Variants in KCNIP4 observed in about 807,000 individuals in gnomAD.
KCNIP4 encodes potassium voltage-gated channel interacting protein 4.
In KCNIP4, 12 loss-of-function variants were observed where a neutral mutation model predicts 34.0. The observed-to-expected ratio is 0.35, with a 90% CI of 0.23 to 0.57. The LOEUF (loss-of-function observed/expected upper bound fraction) is 0.57. Among genes scored for constraint, KCNIP4 ranks in the 20% least tolerant of loss-of-function variants. The pLI, the probability that KCNIP4 is intolerant of heterozygous loss-of-function variation, is 0.83. For synonymous variants in KCNIP4, 124 were observed against 102.2 expected, an observed-to-expected ratio of 1.21 and a Z score of -1.29; for missense variants, 238 against 311.7, an observed-to-expected ratio of 0.76 and a Z score of 1.78.
intron 1 of KCNIP4, among the ~76,000 whole-genome samples, chr4:21,695,991 G>A (rs1331118150): frequency 1.3e-5 from 2 of 152,010 alleles, no homozygotes; most frequent in African/African-American, 2.4e-5. Context: ...TGAAGACTGC[G>A]TGAGAAACAC....
intron 1 of KCNIP4, among the ~76,000 whole-genome samples, chr4:21,075,980 G>T (rs1745453800): frequency 6.6e-6 from 1 of 152,094 alleles, no homozygotes; most frequent in Non-Finnish European, 1.5e-5. Context: ...CTCTCTTCTG[G>T]CTTGAAGAGT....
At chr4:21,767,789 C>G (rs1376853269) in intron 1 of KCNIP4, among the ~76,000 whole-genome samples, 5 of 151,966 alleles carry the variant, frequency 3.3e-5, no homozygotes, top group African/African-American at 1.2e-4. Flanking sequence ...CACACTACTA[C>G]CTGAAAGCAA....
intron 1 of KCNIP4, among the ~76,000 whole-genome samples, chr4:21,519,580 GTGTGTATGTATGTGTA>G (rs1230396154): frequency 1.3e-4 from 3 of 23,484 alleles, no homozygotes; most frequent in South Asian, 2.5e-3. Context: ...ACACATATGT[GTGTGTATGTATGTGTA>G]TATATACACA....
chr4:21,215,261 C>CT (rs373082960), intron 1 of KCNIP4, among the ~76,000 whole-genome samples: 118 of 150,718 alleles, frequency 7.8e-4, no homozygotes, highest in African/African-American at 2.7e-3. Flanking sequence ...CCTTGCTGTC[C>CT]TTTTTTTTTC....
At position 21,147,286 on chromosome 4, in the gene KCNIP4, C is replaced by T. The variant is rs113702009; in HGVS notation, c.62-264577G>A. Among the ~76,000 whole-genome samples, 2 of 152,288 alleles carry T rather than the reference C, an allele frequency of 1.3e-5. 1 individual carries two copies. Among genetic ancestry groups the T allele is most frequent in the African/African-American group, 4.8e-5 (2 of 41,584 alleles). ...TGGGTTCCAATAACTTCCCTCTTCA[C>T]TCCTTCAGTTCTCGGGGAGGCCCAG... On this transcript the variant is annotated intron_variant, in intron 1 of 8. Coordinates refer to ENST00000382152, the MANE Select transcript of KCNIP4 (RefSeq NM_025221.6).
At chr4:21,442,196 C>T (rs891095132) in intron 1 of KCNIP4, among the ~76,000 whole-genome samples, 1 of 152,160 alleles carries the variant, frequency 6.6e-6, no homozygotes, top group Non-Finnish European at 1.5e-5. Context: ...GTACCATAGA[C>T]ATCTTCCTCT....
chr4:21,792,025 A>C (rs970488908), intron 1 of KCNIP4, among the ~76,000 whole-genome samples: 3 of 126,756 alleles, frequency 2.4e-5, no homozygotes, highest in Non-Finnish European at 3.6e-5. Flanking sequence ...AAAAAAAAAA[A>C]AAAACCTACC....
chr4:21,864,212 CTTAG>C (rs1725278611), intron 1 of KCNIP4, among the ~76,000 whole-genome samples: 1 of 152,168 alleles, frequency 6.6e-6, no homozygotes, highest in Non-Finnish European at 1.5e-5. Context: ...TTTGCTGCGT[CTTAG>C]TTAATTTCCA....
intron 3 of KCNIP4, among the ~76,000 whole-genome samples, chr4:20,825,789 A>G (rs1328499731): frequency 6.6e-6 from 1 of 152,198 alleles, no homozygotes; most frequent in Non-Finnish European, 1.5e-5. Flanking sequence ...TCAAGAACAG[A>G]ACCCTAAGGA....
At chr4:21,655,070 G>C (rs1386608660) in intron 1 of KCNIP4, among the ~76,000 whole-genome samples, 1 of 152,058 alleles carries the variant, frequency 6.6e-6, no homozygotes, top group East Asian at 1.9e-4. Context: ...CAGAATATCT[G>C]TGCAATGCCA....
At chr4:21,340,455 A>T (rs900182132) in intron 1 of KCNIP4, among the ~76,000 whole-genome samples, 3 of 152,120 alleles carry the variant, frequency 2.0e-5, no homozygotes, top group Admixed American at 2.0e-4. Flanking sequence ...ACAGAACTTG[A>T]TTTATGTTAT....
At chr4:20,967,286 C>T (rs908779954) in intron 1 of KCNIP4, among the ~76,000 whole-genome samples, 1 of 152,002 alleles carries the variant, frequency 6.6e-6, no homozygotes, top group Non-Finnish European at 1.5e-5. Flanking sequence ...TCTCTCGACA[C>T]AAGAAATGGA....
chr4:20,921,973 A>T (rs1729430225), intron 1 of KCNIP4, among the ~76,000 whole-genome samples: 1 of 152,262 alleles, frequency 6.6e-6, no homozygotes, highest in African/African-American at 2.4e-5. Flanking sequence ...TCAATTAAAA[A>T]TATGCAAATA....
At position 21,237,784 on chromosome 4, in the gene KCNIP4, G is replaced by A. The variant is rs550095693; in HGVS notation, c.62-355075C>T. On this transcript the variant is annotated intron_variant, in intron 1 of 8. Transcript: ENST00000382152. ...TCCAGGACCAGATGGATTCACAGCC[G>A]AATTCTACCAGAGGTACAAGGAGGA... Among the ~76,000 whole-genome samples the A allele has an allele frequency of 8.5e-5, 13 of 152,194 alleles. No individual in the cohort carries two copies. The South Asian group carries it at 2.5e-3, about 29-fold the overall frequency.
intron 1 of KCNIP4, among the ~76,000 whole-genome samples, chr4:20,978,889 T>A (rs1002820872): frequency 2.0e-5 from 3 of 152,138 alleles, no homozygotes; most frequent in Admixed American, 6.5e-5. Flanking sequence ...GTGCCTGACA[T>A]CCTGTAGACA....
intron 1 of KCNIP4, among the ~76,000 whole-genome samples, chr4:21,038,304 A>C (rs1741640807): frequency 6.6e-6 from 1 of 152,102 alleles, no homozygotes; most frequent in East Asian, 1.9e-4. Context: ...TCCACAATGA[A>C]ATATTATTCT....
chr4:20,891,883 A>G (rs558889784), intron 1 of KCNIP4, among the ~76,000 whole-genome samples: 22 of 152,194 alleles, frequency 1.4e-4, no homozygotes, highest in Non-Finnish European at 2.4e-4. Flanking sequence ...CTTACAGTTC[A>G]TAAATACTAG....
At chr4:20,801,908 A>G (rs1251494129) in intron 3 of KCNIP4, among the ~76,000 whole-genome samples, 17 of 151,882 alleles carry the variant, frequency 1.1e-4, no homozygotes. Context: ...TAAAGATACA[A>G]TCCAATTACA....
chr4:20,766,512 G>A (rs1755431413), intron 3 of KCNIP4, among the ~76,000 whole-genome samples: 1 of 152,164 alleles, frequency 6.6e-6, no homozygotes, highest in Non-Finnish European at 1.5e-5. Flanking sequence ...GTTGCAGTGA[G>A]CCGAGATCAC....
Sources: allele counts gnomAD v4.1 joint callset (sites outside exome capture counted in the v4.1 genomes callset), GRCh38; gene constraint gnomAD v4.1.1; transcripts MANE v1.5; gene names NCBI Gene and HGNC (gene_info 2026-07-23, HGNC 2026-07-21).